Variants in COL16A1 observed in about 807,000 individuals in gnomAD.
COL16A1 encodes the protein collagen alpha-1(XVI) chain.
A neutral mutation model predicts 266.3 loss-of-function variants in COL16A1; 189 were observed. The ratio of observed to expected loss-of-function variants is 0.71; its 90% CI spans 0.63 to 0.80. The LOEUF is 0.80. Among genes scored for constraint, COL16A1 ranks in the 30% least tolerant of loss-of-function variants. The pLI is 0.00. For synonymous variants in COL16A1, 740 were observed against 782.3 expected, an observed-to-expected ratio of 0.95 and a Z score of 0.90; for missense variants, 1,928 against 2,122.4, an observed-to-expected ratio of 0.91 and a Z score of 1.80.
Position 31,672,180 on chromosome 1 carries a change from A to G in COL16A1, c.3105+236T>C, listed in dbSNP as rs1234929120. ...CATTTGAGCCGAGCTGAAGGAGTGCAGGAATAAGCCCTGGAGAAGAGCGTT... is the reference window on the plus strand; with the variant it reads ...CATTTGAGCCGAGCTGAAGGAGTGCGGGAATAAGCCCTGGAGAAGAGCGTT... On this transcript the variant is annotated intron_variant, in intron 47 of 70. Coordinates refer to ENST00000373672, the MANE Select transcript of COL16A1 (RefSeq NM_001856.4). 3.9e-5 allele frequency among the ~76,000 whole-genome samples: 6 copies of G among 152,208 alleles called. 1 individual carries two copies. The East Asian group carries it at 1.2e-3, about 29-fold the overall frequency.
In COL16A1 at chr1:31,658,953, C is replaced by G; in HGVS notation, c.3891G>C (p.Gly1297=). ...PGPPGHVGPP[G]PPGQPGPAGI... ...CAGCTGGTCCTGGCTGGCCTGGAGG[C>G]CCTGGTGGCCCCTAAAGAGAGATGA... Residue 1297 remains glycine (G), a synonymous_variant, in exon 63 of 71, where the codon GGG becomes GGC. Transcript: ENST00000373672. The G allele has an allele frequency of 6.4e-7, 1 of 1,554,122 alleles. No homozygotes were observed. Among genetic ancestry groups the G allele is most frequent in the Non-Finnish European group, 8.7e-7 (1 of 1,148,346 alleles).
chr1:31,694,029 C>A lies in COL16A1; in HGVS notation c.1008+115G>T, dbSNP rs1315782553. ...CACGCATACACTTAATCACCCTACACACATACAGGCTCAGGTGGCCCTGAT... is the reference window on the plus strand; with the variant it reads ...CACGCATACACTTAATCACCCTACAAACATACAGGCTCAGGTGGCCCTGAT... On this transcript the variant is annotated intron_variant, in intron 12 of 70. Transcript: ENST00000373672. 5 of 921,958 alleles carry A rather than the reference C, an allele frequency of 5.4e-6. No homozygotes were observed. The Admixed American group carries it at 9.3e-5, about 17-fold the overall frequency. The allele number at this position is 921,958 out of a possible 1,614,324, so 57.1% of individuals were successfully genotyped here.
intron 20 of COL16A1, 148 bp from the exon 21 acceptor site, chr1:31,690,721 T>C: frequency 4.5e-6 from 6 of 1,329,150 alleles, no homozygotes; most frequent in South Asian, 4.3e-5. Flanking sequence ...TCGGTTCCTG[T>C]TGCCTGCCCT....
Position 31,685,571 on chromosome 1 carries a change from A to G in COL16A1, c.2016+68T>C. On this transcript the variant is annotated intron_variant, in intron 29 of 70. Transcript: ENST00000373672. This position sits in a 1 kb window ranked among gnomAD's most constrained non-coding sequence, Gnocchi z 4.0. Reference sequence around the variant, plus strand: ...CAGGGAGTCAAGAGACCCAGGCAGGACCCCTCCCCTCTCCTTAGCCCCGCC... The same window carrying G: ...CAGGGAGTCAAGAGACCCAGGCAGGGCCCCTCCCCTCTCCTTAGCCCCGCC... The G allele has an allele frequency of 6.3e-6, 9 of 1,422,508 alleles. No homozygotes were observed. The highest frequency in any genetic ancestry group is 8.6e-6 in the Non-Finnish European group (9 of 1,045,154). 88.1% of individuals were successfully genotyped at this position (1,422,508 alleles called of 1,614,324 possible). A position where few individuals can be genotyped will look rare whatever the true frequency, so the allele number is the denominator to read the frequency against.
rs1369305324 is a variant in COL16A1, at chr1:31,681,041, C to T, written c.2565G>A (p.Thr855=). ...PPGRDGQQGQ[T]GLRGTPGEKG... is the part of the protein sequence containing the mutation. ...TACTCACTGGTGTTCCTCTGAGTCC[C>T]GTCTGTCCTTGCTGCCCATCACGGC... Residue 855 remains threonine, a synonymous_variant, in exon 38 of 71, where the codon ACG becomes ACA. Coordinates refer to ENST00000373672, the MANE Select transcript of COL16A1 (RefSeq NM_001856.4). 7 of 1,613,434 alleles carry T rather than the reference C, an allele frequency of 4.3e-6. No individual in the cohort carries two copies. Among genetic ancestry groups the T allele is most frequent in the African/African-American group, 2.7e-5 (2 of 74,930 alleles).
At chr1:31,689,872 T>C (rs1270710736) in intron 22 of COL16A1, 21 bp from the exon 23 acceptor site, 14 of 1,608,352 alleles carry the variant, frequency 8.7e-6, no homozygotes, top group African/African-American at 1.3e-5. Context: ...GGAGAGGCAG[T>C]ATGTGGACAG....
chr1:31,679,521 T>C, intron 42 of COL16A1, 111 bp downstream of exon 42: 4 of 1,613,884 alleles, frequency 2.5e-6, no homozygotes, highest in Non-Finnish European at 2.5e-6. Flanking sequence ...AGAAATGGCA[T>C]GTCTGTGTTT....
At chr1:31,701,574 C>T (rs908615421) in intron 2 of COL16A1, 180 of 985,276 alleles carry the variant, frequency 1.8e-4, no homozygotes, top group Non-Finnish European at 2.1e-4. Flanking sequence ...AAGCTGCACC[C>T]TCTGTCTCAT....
Position 31,670,407 on chromosome 1 carries a change from G to T in COL16A1, c.3195+195C>A, listed in dbSNP as rs565950491. 5.5e-6 allele frequency: 3 copies of T among 544,868 alleles called. No individual in the cohort carries two copies. The highest frequency in any genetic ancestry group is 1.0e-4 in the South Asian group (2 of 19,110). 33.8% of individuals were successfully genotyped at this position (544,868 alleles called of 1,614,324 possible). A position where few individuals can be genotyped will look rare whatever the true frequency, so the allele number is the denominator to read the frequency against. On this transcript the variant is annotated intron_variant, in intron 49 of 70. Coordinates refer to ENST00000373672, the MANE Select transcript of COL16A1 (RefSeq NM_001856.4). This position sits in a 1 kb window ranked among gnomAD's most constrained non-coding sequence, Gnocchi z 4.5. Reference sequence around the variant, plus strand: ...CAGGAGAGGAGGGAGAGGAGAAAACGGAAAGGAGTCAGAGACTGGGAGGAT... The same window carrying T: ...CAGGAGAGGAGGGAGAGGAGAAAACTGAAAGGAGTCAGAGACTGGGAGGAT...
At chr1:31,700,211 G>T in intron 2 of COL16A1, 96 bp from the exon 3 acceptor site, 1 of 1,110,424 alleles carries the variant, frequency 9.0e-7, no homozygotes, top group Non-Finnish European at 1.4e-6. Flanking sequence ...CAAGTTTATA[G>T]TCCTCACTCT....
rs776160479 is a variant in COL16A1, at chr1:31,683,994, CG to C, written c.2292del (p.Gly765ValfsTer11). ...GGGGGCCCTTGAACTCCTGGTAGAC[CG>C]GGTTGGCCCTAAAAGGCATAAGGTG... ...GVGRPGKPGQ[P>X]GLPGVQGPPG... On this transcript the variant is annotated frameshift_variant, in exon 33 of 71. Transcript: ENST00000373672. LOFTEE classifies it high-confidence loss of function. 6.2e-7 allele frequency: 1 copy of C among 1,614,204 alleles called. No individual in the cohort carries two copies. The highest frequency in any genetic ancestry group is 8.5e-7 in the Non-Finnish European group (1 of 1,180,024).
At chr1:31,680,817 C>G in intron 39 of COL16A1, 88 bp downstream of exon 39, 1 of 1,604,378 alleles carries the variant, frequency 6.2e-7, no homozygotes, top group South Asian at 1.1e-5. Flanking sequence ...GGAGGGGCTG[C>G]TAATCCCCCA....
At position 31,669,292 on chromosome 1, in the gene COL16A1, G is replaced by C. The variant is rs145314376; in HGVS notation, c.3196-437C>G. Among the ~76,000 whole-genome samples the C allele has an allele frequency of 7.2e-5, 11 of 152,090 alleles. No homozygotes were observed. The East Asian group carries it at 2.1e-3, about 30-fold the overall frequency. ...GCCACCAAAGTGTATCATATCATCA[G>C]ATACCCAACACTTACCTGTCCAAGT... On this transcript the variant is annotated intron_variant, in intron 49 of 70. Coordinates refer to ENST00000373672, the MANE Select transcript of COL16A1 (RefSeq NM_001856.4).
At position 31,667,630 on chromosome 1, in the gene COL16A1, T is replaced by C. The variant is rs1156492260; in HGVS notation, c.3304-2A>G. On this transcript the variant is annotated splice_acceptor_variant, in intron 51 of 70. Coordinates refer to ENST00000373672, the MANE Select transcript of COL16A1 (RefSeq NM_001856.4). LOFTEE classifies it high-confidence loss of function. ...GTAGCCACGCTCCCCCTTGATGCCC[T>C]GACAAGTGGCAAAGAGACAGTGGAA... 6.2e-7 allele frequency: 1 copy of C among 1,604,856 alleles called. No homozygotes were observed. Among genetic ancestry groups the C allele is most frequent in the Non-Finnish European group, 8.5e-7 (1 of 1,176,022 alleles).
At chr1:31,689,118 G>A in intron 23 of COL16A1, 33 bp from the exon 24 acceptor site, 1 of 1,612,688 alleles carries the variant, frequency 6.2e-7, no homozygotes, top group Non-Finnish European at 8.5e-7. Context: ...GGCTGAGGCA[G>A]GGCACGATGG....
rs1325465513 is a variant in COL16A1 at position 31,697,114 on chromosome 1, G to T, written c.739-26C>A. The T allele has an allele frequency of 1.2e-6, 2 of 1,613,944 alleles. No homozygotes were observed. The highest frequency in any genetic ancestry group is 2.2e-5 in the East Asian group (1 of 44,878). ...CTGTTTGGTGGAAGAGCGGGGCTAG[G>T]GTCAGTACAGGAGCAGACTCCTCCT... On this transcript the variant is annotated intron_variant, in intron 7 of 70. Coordinates refer to ENST00000373672, the MANE Select transcript of COL16A1 (RefSeq NM_001856.4). The surrounding 1 kb of genome is among the most constrained non-coding windows in gnomAD (Gnocchi z 4.2).
chr1:31,695,710 A>C (rs1444195477), intron 10 of COL16A1, 51 bp downstream of exon 10: 2 of 1,596,246 alleles, frequency 1.3e-6, no homozygotes. Context: ...AGCCTGGTGC[A>C]AAGGGTTCAT....
At chr1:31,673,062 TC>T (rs1557641270) in intron 44 of COL16A1, 7 of 626,102 alleles carry the variant, frequency 1.1e-5, no homozygotes, top group Middle Eastern at 4.2e-4. Context: ...AGGAAGAAGC[TC>T]TGGTACAGCT....
chr1:31,662,715 C>T (rs1641805455), intron 56 of COL16A1, 57 bp from the exon 57 acceptor site: 4 of 1,383,306 alleles, frequency 2.9e-6, no homozygotes, highest in Non-Finnish European at 2.9e-6. Context: ...CAGGGCTTTG[C>T]CCCACCCATG....
Sources: gnomAD v4.1 joint callset for allele counts (sites outside exome capture counted in the v4.1 genomes callset) on GRCh38, gnomAD v4.1.1 for gene constraint, Gnocchi (gnomAD v3.1) non-coding constraint, MANE v1.5 for transcripts, NCBI Gene and HGNC (gene_info 2026-07-23, HGNC 2026-07-21) for gene names.